The following L3MBTL1 variants were observed in gnomAD, a reference collection of about 807,000 sequenced individuals.
The protein encoded by L3MBTL1 is lethal(3)malignant brain tumor-like protein 1.
Under a neutral mutation model 105.3 loss-of-function variants are expected in L3MBTL1, and 75 were observed. That is an observed-to-expected ratio of 0.71 (90% confidence interval 0.59 to 0.86). The LOEUF is 0.86. Ranked by LOEUF, L3MBTL1 falls within the 40% of genes least tolerant of loss-of-function variation. The pLI is 0.00. For missense variants in L3MBTL1, 1,069 were observed against 1,126.4 expected (o/e 0.95, Z 0.73); for synonymous variants, 452 against 436.2 (o/e 1.04, Z -0.45).
At chr20:43,516,384 G>A (rs1242951802) in intron 7 of L3MBTL1, among the ~76,000 whole-genome samples, 1 of 152,234 alleles carries the variant, frequency 6.6e-6, no homozygotes, top group East Asian at 1.9e-4. Flanking sequence ...GTTATATGAT[G>A]TGTTTGTTTA....
chr20:43,539,976 C>T, intron 19 of L3MBTL1, 175 bp from the exon 20 acceptor site: 2 of 701,894 alleles, frequency 2.8e-6, no homozygotes, highest in Non-Finnish European at 5.1e-6. Context: ...GGAGTGAACA[C>T]TGTGTGAGGA....
intron 1 of L3MBTL1, among the ~76,000 whole-genome samples, chr20:43,507,991 T>A (rs1017259149): frequency 2.0e-5 from 3 of 152,098 alleles, no homozygotes; most frequent in Non-Finnish European, 2.9e-5. Flanking sequence ...CGGCGTGGCT[T>A]CGGGCTGCGA....
chr20:43,549,287 G>C (rs1037121964), exon 19 of L3MBTL1: 1 of 152,362 alleles, frequency 6.6e-6, no homozygotes, highest in Non-Finnish European at 1.5e-5. Flanking sequence ...TCTGCCATGA[G>C]AATGTAGCAC....
At position 43,540,288 on chromosome 20, in the gene L3MBTL1, G is replaced by A. The variant is rs868489823; in HGVS notation, c.2311G>A (p.Ala771Thr). 11 of 1,613,528 alleles carry A rather than the reference G, an allele frequency of 6.8e-6. No individual in the cohort carries two copies. Among genetic ancestry groups the A allele is most frequent in the African/African-American group, 5.3e-5 (4 of 74,906 alleles). ...GVAGISASTV[A>T]KWTIDEVFGF... ...AGCGGGCATCTCAGCCTCGACAGTC[G>A]CCAAGTGGACCATCGATGAGGTGAG... The change falls in exon 20 of 22, where the codon GCC (alanine) becomes ACC (threonine). Residue 771 changes from alanine to threonine, a missense_variant. Ala to Thr is a moderately conservative substitution (Grantham distance 58, BLOSUM62 0). Transcript: ENST00000418998.
intron 19 of L3MBTL1, 197 bp from the exon 20 acceptor site, chr20:43,539,954 A>G: frequency 3.0e-6 from 2 of 660,580 alleles, no homozygotes; most frequent in Non-Finnish European, 2.7e-6. Flanking sequence ...TAAGAGAGTC[A>G]CTTTACCAGC....
intron 4 of L3MBTL1, 92 bp downstream of exon 4, chr20:43,514,868 G>A (rs372595611): frequency 2.1e-6 from 3 of 1,451,590 alleles, no homozygotes; most frequent in Non-Finnish European, 2.8e-6. Flanking sequence ...GGCCCGGGGT[G>A]GTCCTGGGGT....
chr20:43,524,961 T>A (rs1427267110), intron 7 of L3MBTL1, among the ~76,000 whole-genome samples: 1 of 152,134 alleles, frequency 6.6e-6, no homozygotes, highest in Non-Finnish European at 1.5e-5. Flanking sequence ...TCATTTGATA[T>A]GTATTCTGGC....
At chr20:43,536,545 C>T in intron 19 of L3MBTL1, 87 bp downstream of exon 19, 1 of 1,473,180 alleles carries the variant, frequency 6.8e-7, no homozygotes, top group Non-Finnish European at 9.5e-7. Context: ...GACAGATTTC[C>T]CAGAGTGGGA....
chr20:43,519,336 CAAAA>C (rs35982746), intron 7 of L3MBTL1, among the ~76,000 whole-genome samples: 2 of 90,026 alleles, frequency 2.2e-5, no homozygotes, highest in Non-Finnish European at 2.4e-5. Flanking sequence ...AACCCTGACT[CAAAA>C]AAAAAAAAAA....
At chr20:43,512,946 G>C (rs1476450815) in intron 1 of L3MBTL1, among the ~76,000 whole-genome samples, 2 of 152,204 alleles carry the variant, frequency 1.3e-5, no homozygotes, top group African/African-American at 2.4e-5. Context: ...GGGTTGGAGG[G>C]AGTGGTGGAC....
In L3MBTL1 at chr20:43,529,344, G is replaced by A; in HGVS notation, c.1032G>A (p.Met344Ile). ...LEGIDPQHPS[M>I]YFILTVAEVC... is the part of the protein sequence containing the mutation. ...GCATTGACCCTCAACACCCGTCCATGTACTTCATCCTCACCGTGGCTGAGG... is the reference window on the plus strand; with the variant it reads ...GCATTGACCCTCAACACCCGTCCATATACTTCATCCTCACCGTGGCTGAGG... The change falls in exon 9 of 22, where the codon ATG (methionine) becomes ATA (isoleucine). Residue 344 changes from methionine (M) to isoleucine (I), a missense_variant. Transcript: ENST00000418998. 6.2e-7 allele frequency: 1 copy of A among 1,612,822 alleles called. No homozygotes were observed. Among genetic ancestry groups the A allele is most frequent in the Non-Finnish European group, 8.5e-7 (1 of 1,179,512 alleles).
chr20:43,508,194 C>G (rs1473319346), intron 1 of L3MBTL1, among the ~76,000 whole-genome samples: 2 of 141,954 alleles, frequency 1.4e-5, no homozygotes, highest in Non-Finnish European at 3.1e-5. Flanking sequence ...GTTTCTCTCT[C>G]TTTTTTTTTT....
chr20:43,516,311 AAGAG>A (rs555331231), intron 7 of L3MBTL1, 134 bp downstream of exon 7: 20 of 679,936 alleles, frequency 2.9e-5, no homozygotes, highest in African/African-American at 1.6e-4. Context: ...GTGTGTGTGA[AAGAG>A]AGAGAGACAG....
intron 1 of L3MBTL1, among the ~76,000 whole-genome samples, chr20:43,509,274 G>A (rs1241713823): frequency 6.6e-6 from 1 of 151,032 alleles, no homozygotes; most frequent in Non-Finnish European, 1.5e-5. Context: ...GCCCAGGCTC[G>A]AGTGTAGTGG....
chr20:43,513,609 CA>C lies in L3MBTL1; in HGVS notation c.107del (p.His36ProfsTer88). On this transcript the variant is annotated frameshift_variant, in exon 2 of 22. Transcript: ENST00000418998. LOFTEE classifies it high-confidence loss of function. ...VAGDSPGSGP[H>X]LPATAFIIPA... ...CGGAGACAGCCCCGGTTCTGGTCCT[CA>C]CCTGCCCGCAACTGCCTTCATCATT... 2 of 1,550,650 alleles carry C rather than the reference CA, an allele frequency of 1.3e-6. No individual in the cohort carries two copies. The highest frequency in any genetic ancestry group is 1.7e-6 in the Non-Finnish European group (2 of 1,146,998).
chr20:43,529,007 A>G, intron 8 of L3MBTL1: 2 of 601,608 alleles, frequency 3.3e-6, no homozygotes, highest in East Asian at 2.8e-5. Context: ...CTTCTACTCA[A>G]TTCAGCATTG....
chr20:43,510,410 T>C (rs796799762), intron 1 of L3MBTL1, among the ~76,000 whole-genome samples: 26 of 119,440 alleles, frequency 2.2e-4, no homozygotes, highest in African/African-American at 9.4e-4. Context: ...TTCTTTCTTT[T>C]TTTTTTTTTT....
Position 43,515,017 on chromosome 20 carries a change from C to T in L3MBTL1, c.511C>T (p.Pro171Ser), listed in dbSNP as rs753192453. 4 of 1,613,750 alleles carry T rather than the reference C, an allele frequency of 2.5e-6. No homozygotes were observed. The highest frequency in any genetic ancestry group is 2.7e-5 in the African/African-American group (2 of 74,926). The change falls in exon 5 of 22, where the codon CCC (proline) becomes TCC (serine). Residue 171 changes from proline to serine, a missense_variant. Physicochemically the swap from Pro to Ser is moderately conservative, Grantham distance 74 (BLOSUM62 -1). Transcript: ENST00000418998. ...EAGPQQAEDH[P>S]QNPPEDPNQD... is the part of the protein sequence containing the mutation. ...CCATTTGGCCCCCGCAGAGGACCAC[C>T]CCCAGAATCCTCCAGAAGATCCCAA...
At chr20:43,522,602 A>G (rs897202145) in intron 7 of L3MBTL1, among the ~76,000 whole-genome samples, 3 of 149,856 alleles carry the variant, frequency 2.0e-5, no homozygotes, top group Non-Finnish European at 4.4e-5. Flanking sequence ...CCTTCTGAGT[A>G]GCTGAGACTA....
Sources: gnomAD v4.1 joint callset for allele counts (sites outside exome capture counted in the v4.1 genomes callset) on GRCh38, gnomAD v4.1.1 for gene constraint, MANE v1.5 for transcripts, NCBI Gene and HGNC (gene_info 2026-07-23, HGNC 2026-07-21) for gene names.